TNNI3K: variants seen among roughly 807,000 people sequenced by gnomAD.
TNNI3K encodes the protein serine/threonine-protein kinase TNNI3K.
A neutral mutation model predicts 114.5 loss-of-function variants in TNNI3K; 140 were observed. The observed-to-expected ratio is 1.22, with a 90% CI of 1.07 to 1.41. TNNI3K has a LOEUF of 1.41. Ranked by LOEUF, TNNI3K falls within the 40% of genes most tolerant of loss-of-function variation. TNNI3K has a pLI of 0.00. For synonymous variants in TNNI3K, 347 were observed against 347.5 expected, an observed-to-expected ratio of 1.00 and a Z score of 0.02; for missense variants, 1,125 against 1,007.6, an observed-to-expected ratio of 1.12 and a Z score of -1.58.
chr1:74,431,050 A>G (rs1332511768), intron 17 of TNNI3K, among the ~76,000 whole-genome samples: 4 of 152,176 alleles, frequency 2.6e-5, no homozygotes, highest in South Asian at 2.1e-4. Context: ...TTGTACAGAC[A>G]TGCTGTAAGC....
intron 6 of TNNI3K, among the ~76,000 whole-genome samples, chr1:74,335,237 G>T (rs1660404576): frequency 6.6e-6 from 1 of 152,032 alleles, no homozygotes; most frequent in South Asian, 2.1e-4. Context: ...AGATAAATTA[G>T]CTAATTTTTC....
intron 17 of TNNI3K, among the ~76,000 whole-genome samples, chr1:74,424,922 T>A (rs1553144858): frequency 6.6e-6 from 1 of 151,958 alleles, no homozygotes; most frequent in South Asian, 2.1e-4. Flanking sequence ...ATGAGATCTG[T>A]GCAAAGAGAA....
intron 11 of TNNI3K, among the ~76,000 whole-genome samples, chr1:74,358,813 A>G (rs925910448): frequency 2.0e-5 from 3 of 149,774 alleles, no homozygotes; most frequent in Non-Finnish European, 4.5e-5. Flanking sequence ...AAAAACCTTC[A>G]TCATTGCAGG....
Position 74,354,141 on chromosome 1 carries a change from A to T in TNNI3K, c.1177+12A>T. The T allele has an allele frequency of 6.2e-7, 1 of 1,613,906 alleles. No homozygotes were observed. The highest frequency in any genetic ancestry group is 1.1e-5 in the South Asian group (1 of 91,072). On this transcript the variant is annotated intron_variant, in intron 11 of 24. Transcript: ENST00000326637. Reference sequence around the variant, plus strand: ...GGCTTATGAAAAAGGTATATTTTTAATCATCGTGTCTCTATAGTGATACAT... The same window carrying T: ...GGCTTATGAAAAAGGTATATTTTTATTCATCGTGTCTCTATAGTGATACAT...
intron 17 of TNNI3K, among the ~76,000 whole-genome samples, chr1:74,384,591 A>G (rs12079540): frequency 0.012 from 1,821 of 152,206 alleles, 40 homozygotes; most frequent in African/African-American, 0.041. Flanking sequence ...CAGCATTTCT[A>G]TGCCTGACTG....
intron 20 of TNNI3K, among the ~76,000 whole-genome samples, chr1:74,461,263 G>A (rs546063683): frequency 5.9e-5 from 9 of 152,200 alleles, no homozygotes; most frequent in East Asian, 5.8e-4. Context: ...GGAGGATCAC[G>A]AGGTCAGGAG....
chr1:74,353,907 G>A, intron 10 of TNNI3K, 73 bp from the exon 11 acceptor site: 1 of 1,530,638 alleles, frequency 6.5e-7, no homozygotes. Flanking sequence ...ATGTGGTGAT[G>A]ACTGTCTTTT....
intron 21 of TNNI3K, chr1:74,472,031 T>G (rs966934450): frequency 2.8e-6 from 2 of 705,638 alleles, no homozygotes; most frequent in South Asian, 3.1e-5. Flanking sequence ...TCACAAGGCT[T>G]GGATGATGAG....
At chr1:74,521,558 AATTAAATGCTACT>A (rs1404122238) in intron 23 of TNNI3K, among the ~76,000 whole-genome samples, 12 of 152,238 alleles carry the variant, frequency 7.9e-5, no homozygotes, top group Admixed American at 3.3e-4. Context: ...ATGCAGTCAA[AATTAAATGCTACT>A]ATTTCCATAA....
At chr1:74,357,911 G>T (rs545642128) in intron 11 of TNNI3K, among the ~76,000 whole-genome samples, 2 of 152,210 alleles carry the variant, frequency 1.3e-5, no homozygotes, top group South Asian at 2.1e-4. Context: ...AGAAGAAATA[G>T]CCAGCAGCCT....
chr1:74,336,260 G>A (rs1306237586), intron 7 of TNNI3K, 111 bp downstream of exon 7: 119 of 1,303,508 alleles, frequency 9.1e-5, no homozygotes, highest in Non-Finnish European at 5.8e-5. Context: ...CTGTAGTCAT[G>A]TACTTATTTG....
intron 23 of TNNI3K, 148 bp downstream of exon 23, chr1:74,492,414 A>T (rs1001850283): frequency 1.8e-6 from 2 of 1,106,926 alleles, no homozygotes; most frequent in African/African-American, 3.2e-5. Context: ...TTCTTACGTT[A>T]TGACTAAAAA....
At chr1:74,491,141 C>G (rs1030248073) in intron 22 of TNNI3K, among the ~76,000 whole-genome samples, 13 of 152,104 alleles carry the variant, frequency 8.5e-5, no homozygotes, top group African/African-American at 3.1e-4. Context: ...CTGAAAATCA[C>G]GTAACATGAA....
At chr1:74,439,274 C>A (rs1323634763) in intron 19 of TNNI3K, 5 of 486,592 alleles carry the variant, frequency 1.0e-5, no homozygotes, top group Non-Finnish European at 1.6e-5. Flanking sequence ...TTAAAAAATG[C>A]CCTTTGAGGA....
chr1:74,256,723 G>A (rs1023844126), intron 4 of TNNI3K, among the ~76,000 whole-genome samples: 2 of 152,010 alleles, frequency 1.3e-5, no homozygotes, highest in Non-Finnish European at 2.9e-5. Flanking sequence ...TAAAATATAA[G>A]AACCTTCCAG....
chr1:74,505,988 C>G (rs1311962891), intron 23 of TNNI3K, among the ~76,000 whole-genome samples: 1 of 152,162 alleles, frequency 6.6e-6, no homozygotes, highest in Non-Finnish European at 1.5e-5. Flanking sequence ...AAAATGAAAT[C>G]ACTTTTTGTT....
intron 5 of TNNI3K, among the ~76,000 whole-genome samples, chr1:74,274,221 A>G (rs559485678): frequency 1.3e-5 from 2 of 152,136 alleles, no homozygotes; most frequent in South Asian, 4.2e-4. Context: ...TATATTTACT[A>G]TTTATTAAGT....
chr1:74,391,898 T>C (rs1663790705), intron 17 of TNNI3K, among the ~76,000 whole-genome samples: 1 of 151,854 alleles, frequency 6.6e-6, no homozygotes. Flanking sequence ...TACATGATAA[T>C]TTAAATAAGA....
chr1:74,456,513 A>T (rs1336374518), intron 20 of TNNI3K, among the ~76,000 whole-genome samples: 1 of 152,196 alleles, frequency 6.6e-6, no homozygotes, highest in Non-Finnish European at 1.5e-5. Context: ...CCTCTGATAC[A>T]TCATGATCAA....
Sources: gnomAD v4.1 joint callset for allele counts (sites outside exome capture counted in the v4.1 genomes callset) on GRCh38, gnomAD v4.1.1 for gene constraint, MANE v1.5 for transcripts, NCBI Gene and HGNC (gene_info 2026-07-23, HGNC 2026-07-21) for gene names.